Variants in SBF1 observed in about 807,000 individuals in gnomAD.
The protein encoded by SBF1 is myotubularin-related protein 5.
In SBF1, 65 loss-of-function variants were observed where a neutral mutation model predicts 215.8. That is an observed-to-expected ratio of 0.30 (90% CI 0.25 to 0.37). SBF1 has a LOEUF of 0.37. SBF1 is among the 10% of genes least tolerant of loss of function. The pLI is 1.00. For missense variants in SBF1, 2,634 were observed against 2,667.8 expected (o/e 0.99, Z 0.28); for synonymous variants, 1,410 against 1,122.8 (o/e 1.26, Z -5.11).
intron 36 of SBF1, among the ~76,000 whole-genome samples, chr22:50,451,213 C>T (rs942877573): frequency 4.0e-5 from 6 of 150,012 alleles, no homozygotes; most frequent in Admixed American, 1.3e-4. Context: ...ACGTGGCCCA[C>T]GCCAGTAGTC....
In SBF1 at chr22:50,463,451, G is replaced by C. The variant is rs2067607999; in HGVS notation, c.1750-19C>G. 6.5e-7 allele frequency: 1 copy of C among 1,548,082 alleles called. No homozygotes were observed. The highest frequency in any genetic ancestry group is 1.2e-5 in the South Asian group (1 of 83,880). On this transcript the variant is annotated intron_variant, in intron 15 of 40. Coordinates refer to ENST00000380817, the MANE Select transcript of SBF1 (RefSeq NM_002972.4). ...GGAGCAGCTGGGGGTGGGGAAAGGA[G>C]ACACGGGCTGAGGGCACAGAGAAGA...
At chr22:50,447,889 T>C (rs2066895916) in intron 38 of SBF1, among the ~76,000 whole-genome samples, 1 of 152,170 alleles carries the variant, frequency 6.6e-6, no homozygotes, top group Non-Finnish European at 1.5e-5. Context: ...CCTCAGGGTC[T>C]TGGGAAAGCA....
At chr22:50,458,504 A>C (rs1427267958) in intron 28 of SBF1, among the ~76,000 whole-genome samples, 4 of 152,074 alleles carry the variant, frequency 2.6e-5, no homozygotes, top group Non-Finnish European at 5.9e-5. Context: ...CCCCACCTGC[A>C]AATGCCACTC....
At chr22:50,470,585 C>G (rs558420754) in intron 1 of SBF1, among the ~76,000 whole-genome samples, 2 of 152,136 alleles carry the variant, frequency 1.3e-5, no homozygotes, top group Non-Finnish European at 2.9e-5. Context: ...CCACAGAGCA[C>G]CCCCTCCCCT....
chr22:50,455,696 A>G, intron 31 of SBF1, 114 bp from the exon 32 acceptor site: 1 of 810,844 alleles, frequency 1.2e-6, no homozygotes, highest in Non-Finnish European at 2.0e-6. Flanking sequence ...CCCTGTCCAC[A>G]GCCCCCCAAG....
chr22:50,472,348 C>T (rs2068025647), intron 1 of SBF1, among the ~76,000 whole-genome samples: 2 of 152,192 alleles, frequency 1.3e-5, no homozygotes, highest in South Asian at 2.1e-4. Context: ...GACAGGATGT[C>T]CAGATCCAGG....
At chr22:50,461,912 A>G (rs987147840) in intron 20 of SBF1, 35 bp downstream of exon 20, 1 of 1,613,878 alleles carries the variant, frequency 6.2e-7, no homozygotes. Context: ...AGCCCCACCC[A>G]TCCAAGGGGG....
chr22:50,472,412 C>T (rs778041334), intron 1 of SBF1, among the ~76,000 whole-genome samples: 2 of 152,166 alleles, frequency 1.3e-5, no homozygotes, highest in African/African-American at 2.4e-5. Context: ...CCCTGCATCC[C>T]GCCCTGAAGT....
At chr22:50,454,470 AG>A in intron 36 of SBF1, 41 bp downstream of exon 36, 2 of 1,528,822 alleles carry the variant, frequency 1.3e-6, no homozygotes, top group Non-Finnish European at 1.8e-6. Flanking sequence ...GAGCGAGAGG[AG>A]GGGGGTGCCA....
In SBF1 at chr22:50,446,512, G is replaced by A. The variant is rs1040320148; in HGVS notation, c.*630C>T. 1 of 244,344 alleles carries A rather than the reference G, an allele frequency of 4.1e-6. No individual in the cohort carries two copies. The highest frequency in any genetic ancestry group is 4.5e-5 in the South Asian group (1 of 22,032). 15.1% of individuals were successfully genotyped at this position (244,344 alleles called of 1,614,324 possible). A position where few individuals can be genotyped will look rare whatever the true frequency, so the allele number is the denominator to read the frequency against. On this transcript the variant is annotated 3_prime_UTR_variant, in exon 41 of 41. Transcript: ENST00000380817. ...CCAAGCCTCTGTGAGGTCAGCTTCT[G>A]CATCCCCTGGGTAGGGATGGGGGCT...
rs2066914597 is a variant in SBF1, at chr22:50,448,319, G to A, written c.5277C>T (p.Gly1759=). ...SLSLDSDQSS[G]STTSGSRQAA... is the part of the protein sequence containing the mutation. ...CCTGACGGGAGCCGGATGTGGTTGA[G>A]CCACTACTCTGGTCGCTGTCCAGGC... The change falls in exon 38 of 41, where the codon GGC becomes GGT. Residue 1759 remains glycine, a synonymous_variant. Transcript: ENST00000380817. 1.9e-6 allele frequency: 3 copies of A among 1,613,710 alleles called. No homozygotes were observed. Among genetic ancestry groups the A allele is most frequent in the Non-Finnish European group, 1.7e-6 (2 of 1,180,034 alleles).
At chr22:50,461,328 G>T (rs55969137) in intron 22 of SBF1, 42 bp from the exon 23 acceptor site, 39 of 998,824 alleles carry the variant, frequency 3.9e-5, no homozygotes, top group Admixed American at 7.3e-5. Flanking sequence ...GGAAGGTAAG[G>T]GGGGGGGGGT....
rs1216569197 is a variant in SBF1, at chr22:50,445,642, A to G, written c.*1500T>C. 6.6e-6 allele frequency: 1 copy of G among 152,268 alleles called. No homozygotes were observed. The highest frequency in any genetic ancestry group is 2.4e-5 in the African/African-American group (1 of 41,444). The allele number at this position is 152,268 out of a possible 1,614,324, so 9.4% of individuals were successfully genotyped here. On this transcript the variant is annotated 3_prime_UTR_variant, in exon 41 of 41. Transcript: ENST00000380817. ...CCTGTGGGTTTTCCAGGTGCCAGGA[A>G]CTTCGGTCAGGCGCCATCTGTCCGG... is the stretch of plus-strand genomic sequence containing the variant.
chr22:50,471,878 GGA>G (rs2068008633), intron 1 of SBF1, among the ~76,000 whole-genome samples: 1 of 152,222 alleles, frequency 6.6e-6, no homozygotes, highest in African/African-American at 2.4e-5. Context: ...ACAGTCAGGA[GGA>G]GAGGCGAGGC....
chr22:50,469,919 GGCT>G (rs1034178150), intron 1 of SBF1, among the ~76,000 whole-genome samples: 3 of 152,322 alleles, frequency 2.0e-5, no homozygotes, highest in African/African-American at 7.2e-5. Flanking sequence ...GCAGTGGGCA[GGCT>G]GCTGCTAAGT....
intron 29 of SBF1, 81 bp downstream of exon 29, chr22:50,456,953 T>A: frequency 8.6e-7 from 1 of 1,168,356 alleles, no homozygotes; most frequent in Non-Finnish European, 1.1e-6. Flanking sequence ...GAGACATTAG[T>A]GCCCGCAATA....
Position 50,455,064 on chromosome 22 carries a change from G to A in SBF1, c.4633C>T (p.Arg1545Cys), listed in dbSNP as rs758633587. The change falls in exon 34 of 41, where the codon CGT (arginine) becomes TGT (cysteine). Residue 1545 changes from arginine to cysteine, a missense_variant. Physicochemically the swap from Arg to Cys is radical, Grantham distance 180. Transcript: ENST00000380817. ...KFLGYHHVSR[R>C]FRTFLLDSDY... is the part of the protein sequence containing the mutation. ...GAGTCGAGCAGGAAGGTCCGGAAAC[G>A]GCGGGACACATGGTGGTAGCCGAGG... The A allele has an allele frequency of 3.7e-5, 60 of 1,613,998 alleles. No homozygotes were observed. The highest frequency in any genetic ancestry group is 5.1e-5 in the Non-Finnish European group (60 of 1,180,040).
chr22:50,455,032 A>G lies in SBF1; in HGVS notation c.4665T>C (p.Tyr1555=), dbSNP rs2067192814. Residue 1555 remains tyrosine, a synonymous_variant, in exon 34 of 41, where the codon TAT becomes TAC. Transcript: ENST00000380817. ...CCCACATACCCAGCTCAATGCGCTCATAGTCAGAGTCGAGCAGGAAGGTCC... is the reference window on the plus strand; with the variant it reads ...CCCACATACCCAGCTCAATGCGCTCGTAGTCAGAGTCGAGCAGGAAGGTCC... ...RFRTFLLDSD[Y]ERIELGLLYE... 1 of 1,614,130 alleles carries G rather than the reference A, an allele frequency of 6.2e-7. No individual in the cohort carries two copies. Among genetic ancestry groups the G allele is most frequent in the Non-Finnish European group, 8.5e-7 (1 of 1,180,036 alleles).
chr22:50,465,850 C>G lies in SBF1; in HGVS notation c.1012-10G>C. 6.2e-7 allele frequency: 1 copy of G among 1,613,194 alleles called. No individual in the cohort carries two copies. The highest frequency in any genetic ancestry group is 8.5e-7 in the Non-Finnish European group (1 of 1,179,770). On this transcript the variant is annotated splice_polypyrimidine_tract_variant and intron_variant, in intron 9 of 40. Transcript: ENST00000380817. ...GCTCCGGGTCCAGGACCTGCCAGCA[C>G]AGAATGGAGCAGGCAGCTGCACGCT...
Sources: gnomAD v4.1 joint callset for allele counts (sites outside exome capture counted in the v4.1 genomes callset) on GRCh38, gnomAD v4.1.1 for gene constraint, MANE v1.5 for transcripts, NCBI Gene and HGNC (gene_info 2026-07-23, HGNC 2026-07-21) for gene names.